The following EXOC5 variants were observed in gnomAD, a reference collection of about 807,000 sequenced individuals.
EXOC5 encodes the protein SEC10-like 1.
A neutral mutation model predicts 90.8 loss-of-function variants in EXOC5; 17 were observed. The ratio of observed to expected loss-of-function variants is 0.19; its 90% confidence interval spans 0.13 to 0.28. The LOEUF (loss-of-function observed/expected upper bound fraction) is 0.28. EXOC5 is among the 10% of genes least tolerant of loss of function. The pLI is 1.00. For synonymous variants in EXOC5, 260 were observed against 270.0 expected (o/e 0.96, Z 0.36); for missense variants, 569 against 830.6 (o/e 0.69, Z 3.87).
rs111631945 is a variant in EXOC5, at chr14:57,231,595, C to T, written c.1059G>A (p.Glu353=). ...ISYLENYIEV[E]TGYLKSRSAM... ...CACTTCTGCTTTTCAAATATCCAGT[C>T]TCCACCTCAATATAGTTCTCCAAAT... is the stretch of plus-strand genomic sequence containing the variant. Residue 353 remains glutamate (E), a synonymous_variant, in exon 11 of 18, where the codon GAG becomes GAA. Transcript: ENST00000621441. 0.016 allele frequency: 25,954 copies of T among 1,612,956 alleles called. 293 individuals carry two copies. Among genetic ancestry groups the T allele is most frequent in the Non-Finnish European group, 0.019 (22,510 of 1,179,376 alleles).
chr14:57,220,869 C>T (rs892475722), intron 13 of EXOC5, among the ~76,000 whole-genome samples: 1 of 151,548 alleles, frequency 6.6e-6, no homozygotes, highest in Admixed American at 6.6e-5. Flanking sequence ...TTTTTTAGTC[C>T]CTTACTCAGT....
intron 15 of EXOC5, chr14:57,211,553 T>C (rs545559486): frequency 1.3e-5 from 2 of 152,202 alleles, no homozygotes; most frequent in Non-Finnish European, 2.9e-5. Flanking sequence ...GCATCTTTCA[T>C]GCTCAGCTCA....
chr14:57,259,907 C>T (rs1884450920), intron 1 of EXOC5, among the ~76,000 whole-genome samples: 1 of 152,094 alleles, frequency 6.6e-6, no homozygotes, highest in South Asian at 2.1e-4. Flanking sequence ...CTAGTTGGGG[C>T]CATGGCTGAA....
chr14:57,268,235 G>A, intron 1 of EXOC5: 1 of 307,518 alleles, frequency 3.3e-6, no homozygotes, highest in East Asian at 8.0e-5. Flanking sequence ...CCAGCGACAA[G>A]ACTCGCCCAA....
In EXOC5 at chr14:57,201,566, TATTA is replaced by T. The variant is rs1882509091; in HGVS notation, c.*7039_*7042del. 4.3e-5 allele frequency: 4 copies of T among 92,120 alleles called. No individual in the cohort carries two copies. The highest frequency in any genetic ancestry group is 1.9e-4 in the Admixed American group (2 of 10,354). The allele number at this position is 92,120 out of a possible 1,614,324, so 5.7% of individuals were successfully genotyped here. A position where few individuals can be genotyped will look rare whatever the true frequency, so the allele number is the denominator to read the frequency against. On this transcript the variant is annotated 3_prime_UTR_variant, in exon 18 of 18. Coordinates refer to ENST00000621441, the MANE Select transcript of EXOC5 (RefSeq NM_006544.4). ...ATACATATATTTTTATATATATTAA[TATTA>T]TATATATATATATATATATATATAT...
intron 1 of EXOC5, among the ~76,000 whole-genome samples, chr14:57,254,851 A>G (rs767532087): frequency 6.6e-6 from 1 of 152,190 alleles, no homozygotes; most frequent in Non-Finnish European, 1.5e-5. Context: ...CCTCAGCATG[A>G]TAACTACCTT....
In EXOC5 at chr14:57,262,564, G is replaced by GTA. The variant is rs995841021; in HGVS notation, c.27+6056_27+6057dup. Among the ~76,000 whole-genome samples the GTA allele has an allele frequency of 7.9e-3, 1,066 of 134,214 alleles. 14 individuals are homozygous for GTA. The highest frequency in any genetic ancestry group is 0.025 in the African/African-American group (959 of 38,168). 88.0% of individuals were successfully genotyped at this position (134,214 alleles called of 152,430 possible). On this transcript the variant is annotated intron_variant, in intron 1 of 17. Transcript: ENST00000621441. ...TGTGTGTGTGTGTGTGTGTGTGTGT[G>GTA]TATATATATATACGTATATATATAC...
intron 1 of EXOC5, among the ~76,000 whole-genome samples, chr14:57,251,672 CA>C (rs1297715651): frequency 6.6e-6 from 1 of 150,844 alleles, no homozygotes; most frequent in African/African-American, 2.4e-5. Flanking sequence ...AAACTAAAGC[CA>C]AAGCTAACAG....
At chr14:57,238,372 A>ATG (rs1883740649) in intron 5 of EXOC5, among the ~76,000 whole-genome samples, 1 of 117,778 alleles carries the variant, frequency 8.5e-6, no homozygotes, top group Non-Finnish European at 1.8e-5. Context: ...ATATATATAT[A>ATG]TATACACACA....
At chr14:57,231,815 T>C (rs116952635) in intron 10 of EXOC5, 100 bp from the exon 11 acceptor site, 9,823 of 745,478 alleles carry the variant, frequency 0.013, 76 homozygotes, top group Non-Finnish European at 0.018. Context: ...TCATGACTTA[T>C]GTTAAGCCAC....
Position 57,202,533 on chromosome 14 carries a change from CTGAT to C in EXOC5, c.*6072_*6075del, listed in dbSNP as rs370512010. ...AGTATTTACAACCCTTCTGTTAAGT[CTGAT>C]TGTTTCAAAAATTTTTCTTTAAAAA... On this transcript the variant is annotated 3_prime_UTR_variant, in exon 18 of 18. Transcript: ENST00000621441. The C allele has an allele frequency of 3.9e-4, 59 of 152,132 alleles. No individual in the cohort carries two copies. The highest frequency in any genetic ancestry group is 3.4e-3 in the Middle Eastern group (1 of 294). 9.4% of individuals were successfully genotyped at this position (152,132 alleles called of 1,614,324 possible).
At chr14:57,250,178 T>C (rs896662640) in intron 1 of EXOC5, among the ~76,000 whole-genome samples, 8 of 151,882 alleles carry the variant, frequency 5.3e-5, no homozygotes, top group Non-Finnish European at 7.4e-5. Flanking sequence ...CTGCGGGAGG[T>C]AGACTCTAAG....
chr14:57,235,948 T>C (rs1566732177), intron 6 of EXOC5, 128 bp from the exon 7 acceptor site: 8 of 616,412 alleles, frequency 1.3e-5, no homozygotes, highest in Non-Finnish European at 2.0e-5. Context: ...CAAAAACAAA[T>C]GAGATTATAG....
intron 12 of EXOC5, among the ~76,000 whole-genome samples, 153 bp from the exon 13 acceptor site, chr14:57,222,569 A>G (rs1338165226): frequency 6.6e-6 from 1 of 151,912 alleles, no homozygotes; most frequent in African/African-American, 2.4e-5. Context: ...GCATGCACAA[A>G]TACACACACA....
In EXOC5 at chr14:57,206,175, G is replaced by A. The variant is rs555509675; in HGVS notation, c.*2434C>T. 6.5e-5 allele frequency: 20 copies of A among 307,642 alleles called. No homozygotes were observed. The highest frequency in any genetic ancestry group is 4.2e-4 in the African/African-American group (19 of 45,430). 19.1% of individuals were successfully genotyped at this position (307,642 alleles called of 1,614,324 possible). A position where few individuals can be genotyped will look rare whatever the true frequency, so the allele number is the denominator to read the frequency against. On this transcript the variant is annotated 3_prime_UTR_variant, in exon 18 of 18. Coordinates refer to ENST00000621441, the MANE Select transcript of EXOC5 (RefSeq NM_006544.4). ...GGTATTGTGTAATACTGCAAAGACCGTACTTACGTAAATGTTGGTTAAAGT... is the reference window on the plus strand; with the variant it reads ...GGTATTGTGTAATACTGCAAAGACCATACTTACGTAAATGTTGGTTAAAGT...
At chr14:57,230,424 A>AACACACACAC (rs141411059) in intron 11 of EXOC5, among the ~76,000 whole-genome samples, 1 of 92,250 alleles carries the variant, frequency 1.1e-5, no homozygotes, top group African/African-American at 1.0e-4. Context: ...GACTACCGTA[A>AACACACACAC]ACACACACAC....
chr14:57,242,415 T>C (rs917716760), intron 4 of EXOC5, among the ~76,000 whole-genome samples: 3 of 151,568 alleles, frequency 2.0e-5, no homozygotes, highest in Non-Finnish European at 4.4e-5. Context: ...CAGCTAATTT[T>C]TTTTTTTTGG....
chr14:57,220,206 C>G lies in EXOC5; in HGVS notation c.1406-764G>C, dbSNP rs546112084. ...GGAAAACAAAGGTGTTTCCCTCCGCCCCCCCTGCCCCCGCAAGTAAAAGAC... is the reference window on the plus strand; with the variant it reads ...GGAAAACAAAGGTGTTTCCCTCCGCGCCCCCTGCCCCCGCAAGTAAAAGAC... On this transcript the variant is annotated intron_variant, in intron 13 of 17. Transcript: ENST00000621441. Among the ~76,000 whole-genome samples, 368 of 151,208 alleles carry G rather than the reference C, an allele frequency of 2.4e-3. 2 individuals carry two copies. Among genetic ancestry groups the G allele is most frequent in the African/African-American group, 7.4e-3 (304 of 41,150 alleles).
intron 7 of EXOC5, 73 bp from the exon 8 acceptor site, chr14:57,234,105 A>AT (rs926419763): frequency 8.6e-7 from 1 of 1,165,932 alleles, no homozygotes; most frequent in African/African-American, 1.5e-5. Flanking sequence ...AAGAAGTGTT[A>AT]TATGTCATAA....
Sources: allele counts gnomAD v4.1 joint callset (sites outside exome capture counted in the v4.1 genomes callset), GRCh38; gene constraint gnomAD v4.1.1; transcripts MANE v1.5; gene names NCBI Gene and HGNC (gene_info 2026-07-23, HGNC 2026-07-21).